CRHR1: variants seen among roughly 807,000 people sequenced by gnomAD.
The protein encoded by CRHR1 is corticotropin-releasing hormone receptor 1.
CRHR1 carries 28 observed loss-of-function variants against 56.0 expected under a neutral mutation model. The ratio of observed to expected loss-of-function variants is 0.50; its 90% CI spans 0.37 to 0.69. The LOEUF is 0.69. Among genes scored for constraint, CRHR1 ranks in the 30% least tolerant of loss-of-function variants. CRHR1 has a pLI of 0.00. For synonymous variants in CRHR1, 195 were observed against 216.5 expected, an observed-to-expected ratio of 0.90 and a Z score of 0.87; for missense variants, 376 against 548.0, an observed-to-expected ratio of 0.69 and a Z score of 3.13.
At position 45,791,819 on chromosome 17, in the gene CRHR1, TTCTC is replaced by T. The variant is rs1192956995; in HGVS notation, c.33+7252_33+7255del. 9.9e-4 allele frequency among the ~76,000 whole-genome samples: 130 copies of T among 130,726 alleles called. No homozygotes were observed. The Admixed American group carries it at 0.01, about 10-fold the overall frequency. The allele number at this position is 130,726 out of a possible 152,430, so 85.8% of individuals were successfully genotyped here. Reference sequence around the variant, plus strand: ...TGTGTGTTTCTCAGTGGGCATTTTTTTCTCTCTCTCTCTTTCTCTCTCTCTCTCT... The same window carrying T: ...TGTGTGTTTCTCAGTGGGCATTTTTTTCTCTCTCTTTCTCTCTCTCTCTCT... On this transcript the variant is annotated intron_variant, in intron 1 of 12. Transcript: ENST00000314537.
At chr17:45,789,794 T>C (rs1234291248) in intron 1 of CRHR1, among the ~76,000 whole-genome samples, 1 of 152,274 alleles carries the variant, frequency 6.6e-6, no homozygotes, top group African/African-American at 2.4e-5. Flanking sequence ...ATGAAGCAAA[T>C]GTGGGCTTGA....
At chr17:45,817,738 C>G (rs1433019388) in intron 3 of CRHR1, among the ~76,000 whole-genome samples, 2 of 152,172 alleles carry the variant, frequency 1.3e-5, no homozygotes, top group South Asian at 4.1e-4. Context: ...CCAGATCTAG[C>G]AGCCTCGTGT....
At chr17:45,797,290 T>C (rs1456722674) in intron 1 of CRHR1, among the ~76,000 whole-genome samples, 5 of 138,114 alleles carry the variant, frequency 3.6e-5, no homozygotes, top group Admixed American at 2.8e-4. Context: ...TTTCTTTTTT[T>C]TTTTTTTTTT....
intron 1 of CRHR1, among the ~76,000 whole-genome samples, chr17:45,804,741 A>G (rs2061689084): frequency 6.6e-6 from 1 of 152,058 alleles, no homozygotes; most frequent in African/African-American, 2.4e-5. Context: ...TGGCTTGGGA[A>G]GATGGCGCAT....
intron 6 of CRHR1, 59 bp downstream of exon 6, chr17:45,830,273 C>T: frequency 6.6e-7 from 1 of 1,520,296 alleles, no homozygotes; most frequent in Non-Finnish European, 9.1e-7. Flanking sequence ...AGAGGAGGGG[C>T]CCGCCTGCCC....
chr17:45,824,936 TC>T (rs2062125157), intron 4 of CRHR1, among the ~76,000 whole-genome samples: 1 of 150,984 alleles, frequency 6.6e-6, no homozygotes, highest in Non-Finnish European at 1.5e-5. Flanking sequence ...CCCCAGCCCA[TC>T]CGTGCCTGGC....
intron 8 of CRHR1, among the ~76,000 whole-genome samples, chr17:45,832,821 G>A (rs2062344177): frequency 6.6e-6 from 1 of 152,250 alleles, no homozygotes; most frequent in South Asian, 2.1e-4. Context: ...GGGACTGTGA[G>A]GAGGAGCCGA....
rs963152113 is a variant in CRHR1, at chr17:45,830,296, G to A, written c.555+82G>A. 14 of 1,600,040 alleles carry A rather than the reference G, an allele frequency of 8.7e-6. No individual in the cohort carries two copies. The Admixed American group carries it at 1.7e-4, about 19-fold the overall frequency. ...GGCCCGCCTGCCCTGCAGAGGAGGA[G>A]CCCACAGAACAGGAGTGGGATCCCA... On this transcript the variant is annotated intron_variant, in intron 6 of 12. Coordinates refer to ENST00000314537, the MANE Select transcript of CRHR1 (RefSeq NM_004382.5).
intron 1 of CRHR1, among the ~76,000 whole-genome samples, chr17:45,787,311 G>C (rs1032852788): frequency 5.3e-5 from 8 of 152,120 alleles, no homozygotes; most frequent in African/African-American, 1.9e-4. Flanking sequence ...GCACCTCGGA[G>C]TCAGCCACAC....
chr17:45,806,223 G>A (rs2061716160), intron 1 of CRHR1, among the ~76,000 whole-genome samples: 1 of 152,208 alleles, frequency 6.6e-6, no homozygotes, highest in Non-Finnish European at 1.5e-5. Context: ...TCCAGGTATA[G>A]GGCCTATGCC....
Position 45,808,766 on chromosome 17 carries a change from A to G in CRHR1, c.121+1669A>G, listed in dbSNP as rs549868132. ...TGATCTCAAGGAATCCTCCTCTCTC[A>G]GCCTCCTGAGAAGCTAGGACTACGT... On this transcript the variant is annotated intron_variant, in intron 2 of 12. Coordinates refer to ENST00000314537, the MANE Select transcript of CRHR1 (RefSeq NM_004382.5). Among the ~76,000 whole-genome samples the G allele has an allele frequency of 2.6e-5, 4 of 152,200 alleles. No homozygotes were observed. In the South Asian group the frequency reaches 8.3e-4, roughly 32 times the overall value.
chr17:45,830,056 CCTA>C, intron 5 of CRHR1, 35 bp from the exon 6 acceptor site: 1 of 1,613,116 alleles, frequency 6.2e-7, no homozygotes, highest in Non-Finnish European at 8.5e-7. Flanking sequence ...TCCTCTCTCT[CCTA>C]TCGCTCCCAT....
At chr17:45,822,687 C>CA (rs2062068000) in intron 4 of CRHR1, among the ~76,000 whole-genome samples, 1 of 152,154 alleles carries the variant, frequency 6.6e-6, no homozygotes. Flanking sequence ...CCCATCTCTA[C>CA]TAAAAATACA....
chr17:45,817,552 A>C (rs758786744), intron 3 of CRHR1, among the ~76,000 whole-genome samples: 3 of 152,224 alleles, frequency 2.0e-5, no homozygotes, highest in Non-Finnish European at 4.4e-5. Flanking sequence ...CTTGGCTTCT[A>C]AGATGTCTTC....
rs780654692 is a variant in CRHR1 at position 45,834,853 on chromosome 17, TG to T, written c.*90del. The T allele has an allele frequency of 2.2e-5, 35 of 1,561,682 alleles. No individual in the cohort carries two copies. In the South Asian group the frequency reaches 4.0e-4, roughly 18 times the overall value. On this transcript the variant is annotated 3_prime_UTR_variant, in exon 13 of 13. Transcript: ENST00000314537. ...GACCACCCTGCCTGTGGAGGTGACC[TG>T]TTAGGTCTCATGCCCACTCCCCCAG...
chr17:45,831,886 T>C lies in CRHR1; in HGVS notation c.770+946T>C, dbSNP rs73313130. Among the ~76,000 whole-genome samples the C allele has an allele frequency of 6.3e-3, 960 of 152,276 alleles. 6 individuals are homozygous for C. The highest frequency in any genetic ancestry group is 0.022 in the African/African-American group (901 of 41,556). ...AGGGGAGGGGGCCTGCACGGCTTCA[T>C]TGGGCTGAAAGAGGAGCCTGGAAGA... On this transcript the variant is annotated intron_variant, in intron 8 of 12. Transcript: ENST00000314537.
intron 4 of CRHR1, among the ~76,000 whole-genome samples, chr17:45,824,362 G>A (rs1461948401): frequency 2.6e-5 from 4 of 152,230 alleles, no homozygotes; most frequent in African/African-American, 9.6e-5. Context: ...AGGCCGCACT[G>A]TCTGTCCCAG....
Position 45,796,894 on chromosome 17 carries a change from C to T in CRHR1, c.34-10116C>T, listed in dbSNP as rs144847523. Among the ~76,000 whole-genome samples, 422 of 152,238 alleles carry T rather than the reference C, an allele frequency of 2.8e-3. 3 individuals carry two copies. The highest frequency in any genetic ancestry group is 9.5e-3 in the African/African-American group (394 of 41,548). Reference sequence around the variant, plus strand: ...AGAGAGGCAGGAGGCCGAGAAGGCACGGGCTACAAGAACATATCCATGAGT... The same window carrying T: ...AGAGAGGCAGGAGGCCGAGAAGGCATGGGCTACAAGAACATATCCATGAGT... On this transcript the variant is annotated intron_variant, in intron 1 of 12. Coordinates refer to ENST00000314537, the MANE Select transcript of CRHR1 (RefSeq NM_004382.5).
At chr17:45,833,579 C>T (rs1027681918) in intron 10 of CRHR1, 42 bp downstream of exon 10, 1 of 1,596,800 alleles carries the variant, frequency 6.3e-7, no homozygotes, top group Admixed American at 1.7e-5. Flanking sequence ...CCTGATGAAA[C>T]CCCTGCTCCC....
Sources: gnomAD v4.1 joint callset for allele counts (sites outside exome capture counted in the v4.1 genomes callset) on GRCh38, gnomAD v4.1.1 for gene constraint, MANE v1.5 for transcripts, NCBI Gene and HGNC (gene_info 2026-07-23, HGNC 2026-07-21) for gene names.